The following CD247 variants were observed in gnomAD, a reference collection of about 807,000 sequenced individuals.
CD247 encodes the protein CD247 molecule, also known as T-cell surface glycoprotein CD3 zeta chain.
CD247 carries 13 observed loss-of-function variants against 30.0 expected under a neutral mutation model. The observed-to-expected ratio is 0.43, with a 90% CI of 0.28 to 0.69. The LOEUF (loss-of-function observed/expected upper bound fraction) is 0.69. Ranked by LOEUF, CD247 falls within the 30% of genes least tolerant of loss-of-function variation. The pLI is 0.16. For synonymous variants in CD247, 72 were observed against 80.0 expected, an observed-to-expected ratio of 0.90 and a Z score of 0.53; for missense variants, 193 against 212.6, an observed-to-expected ratio of 0.91 and a Z score of 0.57.
At chr1:167,450,911 CAAAA>C (rs35555237) in intron 1 of CD247, among the ~76,000 whole-genome samples, 11 of 116,488 alleles carry the variant, frequency 9.4e-5, no homozygotes, top group Non-Finnish European at 1.3e-4. Context: ...GCATCTGTCT[CAAAA>C]AAAAAAAAAA....
rs541521723 is a variant in CD247, at chr1:167,468,085, A to G, written c.59-27318T>C. Among the ~76,000 whole-genome samples the G allele has an allele frequency of 5.3e-5, 8 of 152,324 alleles. No individual in the cohort carries two copies. The South Asian group carries it at 1.7e-3, about 32-fold the overall frequency. ...GAAGATACTACGCTCACACCGACAT[A>G]TAAATGCACATACACATACATTTTA... On this transcript the variant is annotated intron_variant, in intron 1 of 7. Transcript: ENST00000362089.
At chr1:167,462,961 C>T (rs1205409330) in intron 1 of CD247, among the ~76,000 whole-genome samples, 5 of 152,212 alleles carry the variant, frequency 3.3e-5, no homozygotes, top group African/African-American at 1.2e-4. Context: ...CTCTTGATAG[C>T]CTCATTGCCT....
At chr1:167,502,697 A>T (rs1654962938) in intron 1 of CD247, among the ~76,000 whole-genome samples, 1 of 152,354 alleles carries the variant, frequency 6.6e-6, no homozygotes, top group Middle Eastern at 3.4e-3. Flanking sequence ...GCTCTAATCC[A>T]ATATGACTGG....
intron 1 of CD247, among the ~76,000 whole-genome samples, chr1:167,498,848 G>T (rs748096467): frequency 1.3e-5 from 2 of 152,148 alleles, no homozygotes; most frequent in African/African-American, 4.8e-5. Context: ...GCGGACACAA[G>T]AGGCACTTGC....
chr1:167,469,462 T>C (rs1189272107), intron 1 of CD247, among the ~76,000 whole-genome samples: 2 of 152,226 alleles, frequency 1.3e-5, no homozygotes, highest in Non-Finnish European at 2.9e-5. Flanking sequence ...CCTCTGGCAT[T>C]GGATTACTTC....
intron 1 of CD247, among the ~76,000 whole-genome samples, chr1:167,497,807 C>A (rs1429191544): frequency 6.6e-6 from 1 of 152,184 alleles, no homozygotes; most frequent in Non-Finnish European, 1.5e-5. Context: ...GGCTCAGCCA[C>A]CAGCTTTGTG....
chr1:167,506,240 CT>C (rs199935001), intron 1 of CD247, among the ~76,000 whole-genome samples: 2 of 44,918 alleles, frequency 4.5e-5, no homozygotes, highest in Non-Finnish European at 8.3e-5. Flanking sequence ...CTTTTCTTTT[CT>C]TTTCCTTTTC....
chr1:167,434,262 C>G (rs1466358242), intron 5 of CD247, 186 bp from the exon 6 acceptor site: 14 of 659,074 alleles, frequency 2.1e-5, no homozygotes, highest in Non-Finnish European at 3.6e-5. Flanking sequence ...CAGCCCACCC[C>G]CCTCATCCTC....
Position 167,487,128 on chromosome 1 carries a change from C to T in CD247, c.58+31280G>A, listed in dbSNP as rs143274690. Among the ~76,000 whole-genome samples, 117 of 147,610 alleles carry T rather than the reference C, an allele frequency of 7.9e-4. 2 individuals are homozygous for T. In the East Asian group the frequency reaches 0.022, roughly 28 times the overall value. On this transcript the variant is annotated intron_variant, in intron 1 of 7. Coordinates refer to ENST00000362089, the MANE Select transcript of CD247 (RefSeq NM_198053.3). ...GTGTGATGGTTCACATCTATAATTCCAGCACTTTGGGAGGCCGAGGTGTGT... is the reference window on the plus strand; with the variant it reads ...GTGTGATGGTTCACATCTATAATTCTAGCACTTTGGGAGGCCGAGGTGTGT...
At position 167,458,921 on chromosome 1, in the gene CD247, G is replaced by A. The variant is rs375641453; in HGVS notation, c.59-18154C>T. Among the ~76,000 whole-genome samples the A allele has an allele frequency of 1.9e-3, 289 of 150,790 alleles. 1 individual carries two copies. The highest frequency in any genetic ancestry group is 1.3e-3 in the Non-Finnish European group (90 of 67,748). On this transcript the variant is annotated intron_variant, in intron 1 of 7. Coordinates refer to ENST00000362089, the MANE Select transcript of CD247 (RefSeq NM_198053.3). ...GCGGATCACTTGAGGCCAGGAGTTC[G>A]AGACCAGCCTGGCCAACATGGTGAA...
intron 1 of CD247, among the ~76,000 whole-genome samples, chr1:167,445,061 G>T (rs1571520960): frequency 1.3e-5 from 2 of 152,164 alleles, no homozygotes; most frequent in African/African-American, 4.8e-5. Flanking sequence ...AAGTGGCTGG[G>T]ATTACAGGTG....
intron 1 of CD247, among the ~76,000 whole-genome samples, chr1:167,484,725 C>T (rs573514505): frequency 3.3e-5 from 5 of 152,166 alleles, no homozygotes; most frequent in Admixed American, 6.5e-5. Context: ...TGCAGTGAGC[C>T]GAGATCGCGC....
At chr1:167,475,282 C>T (rs139802794) in intron 1 of CD247, among the ~76,000 whole-genome samples, 205 of 152,276 alleles carry the variant, frequency 1.3e-3, no homozygotes, top group Middle Eastern at 3.4e-3. Context: ...GATCAGCTCA[C>T]GGCTCTTCCT....
intron 1 of CD247, among the ~76,000 whole-genome samples, chr1:167,502,655 A>G (rs771679156): frequency 6.6e-6 from 1 of 152,218 alleles, no homozygotes; most frequent in Non-Finnish European, 1.5e-5. Context: ...GTGCTTTCAG[A>G]TTATCAAGTT....
At chr1:167,482,685 T>C (rs371672600) in intron 1 of CD247, among the ~76,000 whole-genome samples, 2 of 152,290 alleles carry the variant, frequency 1.3e-5, no homozygotes, top group East Asian at 1.9e-4. Flanking sequence ...TGGAGGACCA[T>C]GGAGTGACCT....
At chr1:167,514,030 A>G (rs1655497724) in intron 1 of CD247, among the ~76,000 whole-genome samples, 2 of 152,256 alleles carry the variant, frequency 1.3e-5, no homozygotes, top group Admixed American at 6.5e-5. Flanking sequence ...ATGCCAATTC[A>G]ATATACCCAC....
chr1:167,462,597 G>A (rs1653072198), intron 1 of CD247, among the ~76,000 whole-genome samples: 1 of 152,248 alleles, frequency 6.6e-6, no homozygotes, highest in Non-Finnish European at 1.5e-5. Context: ...CAGAAAAGGA[G>A]GAGAACTGTT....
intron 1 of CD247, among the ~76,000 whole-genome samples, chr1:167,501,488 T>C (rs990582233): frequency 1.6e-4 from 25 of 152,324 alleles, no homozygotes; most frequent in Non-Finnish European, 2.9e-4. Context: ...TCACTAGAAT[T>C]AACTTTTTTC....
chr1:167,439,517 A>G, intron 2 of CD247, 117 bp from the exon 3 acceptor site: 1 of 862,618 alleles, frequency 1.2e-6, no homozygotes, highest in Non-Finnish European at 2.0e-6. Flanking sequence ...GCAACTAACA[A>G]TGCTGCCCTG....
Sources: allele counts gnomAD v4.1 joint callset (sites outside exome capture counted in the v4.1 genomes callset), GRCh38; gene constraint gnomAD v4.1.1; transcripts MANE v1.5; gene names NCBI Gene and HGNC (gene_info 2026-07-23, HGNC 2026-07-21).